Variants in ZNF699 observed in about 807,000 individuals in gnomAD.
ZNF699 encodes the protein hangover homolog.
Under a neutral mutation model 22.5 loss-of-function variants are expected in ZNF699, and 18 were observed. The ratio of observed to expected loss-of-function variants is 0.80; its 90% confidence interval spans 0.55 to 1.19. The LOEUF (loss-of-function observed/expected upper bound fraction) is 1.19, where lower values mean the gene tolerates loss of function less well. Among genes scored for constraint, ZNF699 ranks in the 50% most tolerant of loss-of-function variants. ZNF699 has a pLI of 0.00. For synonymous variants in ZNF699, 241 were observed against 262.3 expected (o/e 0.92, Z 0.78); for missense variants, 670 against 763.4 (o/e 0.88, Z 1.44).
chr19:9,296,654 G>A lies in ZNF699; in HGVS notation c.750C>T (p.Pro250=). 1 of 1,613,360 alleles carries A rather than the reference G, an allele frequency of 6.2e-7. No individual in the cohort carries two copies. Among genetic ancestry groups the A allele is most frequent in the Non-Finnish European group, 8.5e-7 (1 of 1,179,850 alleles). The change falls in exon 6 of 6, where the codon CCC becomes CCT. Residue 250 remains proline, a synonymous_variant. Transcript: ENST00000591998. ...KHMKTPTEEK[P]YECKECTKAF... Reference sequence around the variant, plus strand: ...CTTTGGTACATTCCTTACATTCATAGGGCTTCTCTTCAGTGGGGGTTTTCA... The same window carrying A: ...CTTTGGTACATTCCTTACATTCATAAGGCTTCTCTTCAGTGGGGGTTTTCA...
In ZNF699 at chr19:9,295,698, C is replaced by T. The variant is rs369385143; in HGVS notation, c.1706G>A (p.Arg569His). 36 of 1,613,822 alleles carry T rather than the reference C, an allele frequency of 2.2e-5. No individual in the cohort carries two copies. The East Asian group carries it at 3.1e-4, about 14-fold the overall frequency. The change falls in exon 6 of 6, where the codon CGT becomes CAT. Residue 569 changes from arginine (R) to histidine (H), a missense_variant. Transcript: ENST00000591998. ...ATGTACAGTAAGGTATGAAGAATGA[C>T]GAAATGCTTTCCCACATTCCTTACA... Reference protein sequence around the residue: ...YECKECGKAFRHSSYLTVHAR... With the variant: ...YECKECGKAFHHSSYLTVHAR...
In ZNF699 at chr19:9,293,870, A is replaced by C. The variant is rs780732902; in HGVS notation, c.*1605T>G. On this transcript the variant is annotated 3_prime_UTR_variant, in exon 6 of 6. Coordinates refer to ENST00000591998, the MANE Select transcript of ZNF699 (RefSeq NM_198535.3). ...TATCACAGTAGTAGATTATACTTTT[A>C]AAGGGAAAATATAATACTGTAGCTA... 2.6e-4 allele frequency among the ~76,000 whole-genome samples: 40 copies of C among 152,132 alleles called. No homozygotes were observed. The highest frequency in any genetic ancestry group is 5.1e-4 in the Non-Finnish European group (35 of 68,028).
In ZNF699 at chr19:9,294,128, G is replaced by A. The variant is rs899345928; in HGVS notation, c.*1347C>T. On this transcript the variant is annotated 3_prime_UTR_variant, in exon 6 of 6. Transcript: ENST00000591998. ...TAGCATGACATGATGCGATTGGACT[G>A]TGTAAGAAAGACTGCAACATAAGCA... 1 of 152,194 alleles carries A rather than the reference G, an allele frequency of 6.6e-6. No individual in the cohort carries two copies. Among genetic ancestry groups the A allele is most frequent in the African/African-American group, 2.4e-5 (1 of 41,448 alleles). 9.4% of individuals were successfully genotyped at this position (152,194 alleles called of 1,614,324 possible). A position where few individuals can be genotyped will look rare whatever the true frequency, so the allele number is the denominator to read the frequency against.
At chr19:9,308,596 C>T (rs543756100) in intron 1 of ZNF699, among the ~76,000 whole-genome samples, 17 of 151,984 alleles carry the variant, frequency 1.1e-4, no homozygotes, top group South Asian at 1.0e-3. Flanking sequence ...GAGACCTGCC[C>T]GGGCAACAGA....
At chr19:9,301,119 T>C (rs2066305533) in intron 3 of ZNF699, among the ~76,000 whole-genome samples, 1 of 131,690 alleles carries the variant, frequency 7.6e-6, no homozygotes, top group Non-Finnish European at 1.6e-5. Context: ...AAAATAATAA[T>C]AAAGCCTACA....
chr19:9,298,760 T>C (rs2066296452), intron 3 of ZNF699, among the ~76,000 whole-genome samples: 1 of 152,174 alleles, frequency 6.6e-6, no homozygotes, highest in African/African-American at 2.4e-5. Context: ...ACTATCCACT[T>C]TCTGTCAGCA....
Position 9,294,685 on chromosome 19 carries a change from A to T in ZNF699, c.*790T>A, listed in dbSNP as rs1188626588. On this transcript the variant is annotated 3_prime_UTR_variant, in exon 6 of 6. Transcript: ENST00000591998. ...ATGTAGTTAATGTAACACAATTTTT[A>T]CACTCAAAACACTGGATCCAATTCC... The T allele has an allele frequency of 6.6e-6, 1 of 152,232 alleles. No individual in the cohort carries two copies. The highest frequency in any genetic ancestry group is 1.9e-4 in the East Asian group (1 of 5,204). The allele number at this position is 152,232 out of a possible 1,614,324, so 9.4% of individuals were successfully genotyped here. A position where few individuals can be genotyped will look rare whatever the true frequency, so the allele number is the denominator to read the frequency against.
intron 3 of ZNF699, among the ~76,000 whole-genome samples, chr19:9,301,621 T>C (rs1034033977): frequency 6.6e-6 from 1 of 152,204 alleles, no homozygotes; most frequent in African/African-American, 2.4e-5. Flanking sequence ...TAATAGGTCT[T>C]TTCTAACACC....
intron 2 of ZNF699, among the ~76,000 whole-genome samples, chr19:9,304,181 A>G (rs1428440650): frequency 6.6e-6 from 1 of 152,194 alleles, no homozygotes; most frequent in South Asian, 2.1e-4. Context: ...GATGGCCTAG[A>G]AAAGTCCAGA....
At chr19:9,301,061 ATC>A (rs2066305325) in intron 3 of ZNF699, among the ~76,000 whole-genome samples, 1 of 151,908 alleles carries the variant, frequency 6.6e-6, no homozygotes, top group African/African-American at 2.4e-5. Flanking sequence ...TATACGGGAA[ATC>A]TCTGTACCTT....
At chr19:9,306,526 A>G (rs1359216933) in intron 1 of ZNF699, among the ~76,000 whole-genome samples, 1 of 152,228 alleles carries the variant, frequency 6.6e-6, no homozygotes, top group Non-Finnish European at 1.5e-5. Context: ...AAGCCAATAA[A>G]AAACTGTAAC....
chr19:9,306,981 A>G (rs1170815025), intron 1 of ZNF699, among the ~76,000 whole-genome samples: 1 of 152,194 alleles, frequency 6.6e-6, no homozygotes, highest in African/African-American at 2.4e-5. Context: ...CGGGGGAATC[A>G]CATGAGGTCA....
intron 1 of ZNF699, among the ~76,000 whole-genome samples, chr19:9,308,828 A>G (rs2066336856): frequency 6.6e-6 from 1 of 152,226 alleles, no homozygotes; most frequent in Non-Finnish European, 1.5e-5. Flanking sequence ...TGCAAGGAAT[A>G]AAAAGGGAAA....
rs376043369 is a variant in ZNF699, at chr19:9,300,241, C to T, written c.175+2137G>A. Reference sequence around the variant, plus strand: ...GACTACAGGTGCCCGCCAACACACCCGGCTAATTTTTTGTATTTTTAGTAC... The same window carrying T: ...GACTACAGGTGCCCGCCAACACACCTGGCTAATTTTTTGTATTTTTAGTAC... On this transcript the variant is annotated intron_variant, in intron 3 of 5. Transcript: ENST00000591998. Among the ~76,000 whole-genome samples, 33 of 152,256 alleles carry T rather than the reference C, an allele frequency of 2.2e-4. 1 individual carries two copies. Among genetic ancestry groups the T allele is most frequent in the African/African-American group, 6.0e-4 (25 of 41,560 alleles).
intron 3 of ZNF699, among the ~76,000 whole-genome samples, chr19:9,300,571 C>T (rs1226234509): frequency 2.0e-5 from 3 of 152,222 alleles, no homozygotes; most frequent in East Asian, 3.9e-4. Context: ...ATGGATAAAC[C>T]GTGGTACATC....
In ZNF699 at chr19:9,293,142, A is replaced by G. The variant is rs116369995; in HGVS notation, c.*2333T>C. Reference sequence around the variant, plus strand: ...AGAGTCCGTCTCAAAAAAAAAAAAAAAGAAAAGAAATCATAAATGGATGAA... The same window carrying G: ...AGAGTCCGTCTCAAAAAAAAAAAAAGAGAAAAGAAATCATAAATGGATGAA... On this transcript the variant is annotated 3_prime_UTR_variant, in exon 6 of 6. Coordinates refer to ENST00000591998, the MANE Select transcript of ZNF699 (RefSeq NM_198535.3). Among the ~76,000 whole-genome samples the G allele has an allele frequency of 0.014, 2,103 of 151,816 alleles. 32 individuals carry two copies. The highest frequency in any genetic ancestry group is 0.027 in the African/African-American group (1,107 of 41,290).
In ZNF699 at chr19:9,291,235, T is replaced by C. The variant is rs1261896299; in HGVS notation, c.*4240A>G. Among the ~76,000 whole-genome samples, 1 of 152,184 alleles carries C rather than the reference T, an allele frequency of 6.6e-6. No homozygotes were observed. Among genetic ancestry groups the C allele is most frequent in the Non-Finnish European group, 1.5e-5 (1 of 68,024 alleles). ...TGTCAATTATCCTCAGGTTATTTTA[T>C]AAAACCAATGCAATTACAGGCATAG... On this transcript the variant is annotated 3_prime_UTR_variant, in exon 6 of 6. Coordinates refer to ENST00000591998, the MANE Select transcript of ZNF699 (RefSeq NM_198535.3).
In ZNF699 at chr19:9,294,630, T is replaced by G. The variant is rs1198664007; in HGVS notation, c.*845A>C. On this transcript the variant is annotated 3_prime_UTR_variant, in exon 6 of 6. Coordinates refer to ENST00000591998, the MANE Select transcript of ZNF699 (RefSeq NM_198535.3). ...ACTCTTATTTTAGACAAGTCTAACCTAGAACTGGAGAAAAAAGTGATTCTG... is the reference window on the plus strand; with the variant it reads ...ACTCTTATTTTAGACAAGTCTAACCGAGAACTGGAGAAAAAAGTGATTCTG... The G allele has an allele frequency of 1.3e-5, 2 of 152,162 alleles. No homozygotes were observed. 9.4% of individuals were successfully genotyped at this position (152,162 alleles called of 1,614,324 possible).
At chr19:9,299,182 G>A (rs1050367096) in intron 3 of ZNF699, among the ~76,000 whole-genome samples, 2 of 152,046 alleles carry the variant, frequency 1.3e-5, no homozygotes, top group South Asian at 2.1e-4. Context: ...TCGCCCAGGC[G>A]GGAGTGCAGT....
Sources: allele counts gnomAD v4.1 joint callset (sites outside exome capture counted in the v4.1 genomes callset), GRCh38; gene constraint gnomAD v4.1.1; transcripts MANE v1.5; gene names NCBI Gene and HGNC (gene_info 2026-07-23, HGNC 2026-07-21).